COMMD10: variants seen among roughly 807,000 people sequenced by gnomAD.
COMMD10 encodes COMM domain containing 10.
A neutral mutation model predicts 28.9 loss-of-function variants in COMMD10; 33 were observed. That is an observed-to-expected ratio of 1.14 (90% CI 0.87 to 1.53). The LOEUF (loss-of-function observed/expected upper bound fraction) is 1.53. Among genes scored for constraint, COMMD10 ranks in the 40% most tolerant of loss-of-function variants. COMMD10 has a pLI of 0.00. For missense variants in COMMD10, 310 were observed against 233.4 expected, an observed-to-expected ratio of 1.33 and a Z score of -2.14; for synonymous variants, 110 against 81.7, an observed-to-expected ratio of 1.35 and a Z score of -1.87.
rs73269276 is a variant in COMMD10 at position 116,090,503 on chromosome 5, A to G, written c.133-576A>G. On this transcript the variant is annotated intron_variant, in intron 2 of 6. Transcript: ENST00000274458. ...CACAACTCATGCAATAAAAAAACTC[A>G]TGTACTTGGCTCCATAGGAGAGATT... Among the ~76,000 whole-genome samples, 1,183 of 152,340 alleles carry G rather than the reference A, an allele frequency of 7.8e-3. 16 individuals carry two copies. The highest frequency in any genetic ancestry group is 0.026 in the African/African-American group (1,091 of 41,564).
chr5:116,108,430 GCTTTTTGA>G (rs765144696), intron 4 of COMMD10, among the ~76,000 whole-genome samples: 59 of 150,472 alleles, frequency 3.9e-4, no homozygotes, highest in Non-Finnish European at 7.2e-4. Context: ...AGCTGCAGTG[GCTTTTTGA>G]GCTGCAGTGG....
At chr5:116,273,905 A>T (rs755550830) in intron 5 of COMMD10, among the ~76,000 whole-genome samples, 1 of 151,744 alleles carries the variant, frequency 6.6e-6, no homozygotes, top group South Asian at 2.1e-4. Flanking sequence ...TGAGGGTACA[A>T]TTTACTTTTT....
chr5:116,275,689 C>G (rs1446794627), intron 5 of COMMD10, among the ~76,000 whole-genome samples: 1 of 151,600 alleles, frequency 6.6e-6, no homozygotes, highest in Non-Finnish European at 1.5e-5. Flanking sequence ...CAGAACATAT[C>G]TGATGGCTTA....
chr5:116,099,152 A>C (rs1011114618), intron 4 of COMMD10, among the ~76,000 whole-genome samples: 1 of 152,164 alleles, frequency 6.6e-6, no homozygotes, highest in African/African-American at 2.4e-5. Flanking sequence ...TCCCCAGGCA[A>C]CTACCATTCT....
chr5:116,243,841 G>A (rs1159514882), intron 5 of COMMD10, among the ~76,000 whole-genome samples: 1 of 151,968 alleles, frequency 6.6e-6, no homozygotes. Flanking sequence ...ATTTATTCTG[G>A]GCTTGAACCA....
At chr5:116,254,708 T>G (rs1005437261) in intron 5 of COMMD10, among the ~76,000 whole-genome samples, 47 of 151,830 alleles carry the variant, frequency 3.1e-4, no homozygotes, top group Admixed American at 5.9e-4. Context: ...GAGGAGATCT[T>G]TACTTCCAAG....
At chr5:116,249,551 TGAGAA>T (rs1208843373) in intron 5 of COMMD10, among the ~76,000 whole-genome samples, 1 of 151,948 alleles carries the variant, frequency 6.6e-6, no homozygotes, top group Non-Finnish European at 1.5e-5. Context: ...AATTCAAAAA[TGAGAA>T]GAGACAAGTC....
intron 4 of COMMD10, among the ~76,000 whole-genome samples, chr5:116,119,512 G>A (rs927898510): frequency 8.5e-5 from 13 of 152,116 alleles, no homozygotes; most frequent in African/African-American, 3.1e-4. Flanking sequence ...ATGAAAGTAG[G>A]CAGTCACTTG....
At chr5:116,097,674 C>A (rs980304276) in intron 4 of COMMD10, among the ~76,000 whole-genome samples, 1 of 152,036 alleles carries the variant, frequency 6.6e-6, no homozygotes, top group African/African-American at 2.4e-5. Context: ...GTAATTTGCC[C>A]ACGGTTCTGC....
intron 4 of COMMD10, among the ~76,000 whole-genome samples, chr5:116,107,906 C>T (rs552191901): frequency 6.6e-6 from 1 of 152,336 alleles, no homozygotes; most frequent in South Asian, 2.1e-4. Context: ...CTATTCCTTT[C>T]TGTTTATTAG....
chr5:116,175,859 A>G (rs1182779112), intron 5 of COMMD10, among the ~76,000 whole-genome samples: 1 of 152,132 alleles, frequency 6.6e-6, no homozygotes, highest in East Asian at 1.9e-4. Context: ...GGTAGTTGCT[A>G]GAGGCCAGGG....
chr5:116,273,965 A>T (rs1014429528), intron 5 of COMMD10, among the ~76,000 whole-genome samples: 2 of 151,758 alleles, frequency 1.3e-5, no homozygotes, highest in Non-Finnish European at 1.5e-5. Flanking sequence ...ACTTTAGATG[A>T]TATCAGTCAT....
At chr5:116,207,512 A>G (rs1194288036) in intron 5 of COMMD10, among the ~76,000 whole-genome samples, 10 of 139,840 alleles carry the variant, frequency 7.2e-5, no homozygotes, top group African/African-American at 2.5e-4. Context: ...CAGAGAGGGG[A>G]AAAAAATAAG....
rs547314711 is a variant in COMMD10, at chr5:116,268,921, G to A, written c.511-22596G>A. ...ATGAGAACACTTGGACACAGAGAGA[G>A]GAACATCACAAACCGGAGCCTGTTG... On this transcript the variant is annotated intron_variant, in intron 5 of 6. Coordinates refer to ENST00000274458, the MANE Select transcript of COMMD10 (RefSeq NM_016144.4). Among the ~76,000 whole-genome samples the A allele has an allele frequency of 8.6e-4, 130 of 151,452 alleles. 4 individuals are homozygous for A. The highest frequency in any genetic ancestry group is 3.1e-3 in the African/African-American group (125 of 40,940).
At chr5:116,217,136 A>G (rs1749124551) in intron 5 of COMMD10, among the ~76,000 whole-genome samples, 1 of 151,854 alleles carries the variant, frequency 6.6e-6, no homozygotes, top group Non-Finnish European at 1.5e-5. Context: ...GAAAATACAA[A>G]CAAGTATGAA....
intron 5 of COMMD10, among the ~76,000 whole-genome samples, chr5:116,178,574 G>A (rs538772146): frequency 5.2e-4 from 79 of 152,054 alleles, no homozygotes; most frequent in Non-Finnish European, 1.0e-3. Flanking sequence ...ATAATAACGG[G>A]GATGATGCCC....
At chr5:116,197,554 AT>A (rs1430177899) in intron 5 of COMMD10, among the ~76,000 whole-genome samples, 8 of 151,314 alleles carry the variant, frequency 5.3e-5, no homozygotes, top group African/African-American at 2.4e-5. Flanking sequence ...TTTTTATTTT[AT>A]TTTATTTTTT....
chr5:116,157,328 C>A (rs577595156), intron 5 of COMMD10, among the ~76,000 whole-genome samples: 12 of 152,104 alleles, frequency 7.9e-5, no homozygotes, highest in African/African-American at 2.9e-4. Context: ...AAACAATAAC[C>A]ATTTATTATT....
intron 5 of COMMD10, among the ~76,000 whole-genome samples, chr5:116,275,803 T>A (rs138468106): frequency 6.6e-6 from 1 of 151,772 alleles, no homozygotes; most frequent in East Asian, 1.9e-4. Flanking sequence ...TCCTAAATCA[T>A]AAGGCATAAA....
Sources: allele counts gnomAD v4.1 joint callset (sites outside exome capture counted in the v4.1 genomes callset), GRCh38; gene constraint gnomAD v4.1.1; transcripts MANE v1.5; gene names NCBI Gene and HGNC (gene_info 2026-07-23, HGNC 2026-07-21).